The following RBM45 variants were observed in gnomAD, a reference collection of about 807,000 sequenced individuals.
RBM45 encodes the protein RNA-binding protein 45.
In RBM45, 39 loss-of-function variants were observed where a neutral mutation model predicts 58.5. The ratio of observed to expected loss-of-function variants is 0.67; its 90% CI spans 0.52 to 0.87. The LOEUF (loss-of-function observed/expected upper bound fraction) is 0.87, where lower values mean the gene tolerates loss of function less well. Ranked by LOEUF, RBM45 falls within the 40% of genes least tolerant of loss-of-function variation. The probability of loss-of-function intolerance (pLI) is 0.00; values close to 1 mark genes in which losing one functional copy is unlikely to be tolerated. For synonymous variants in RBM45, 193 were observed against 203.0 expected, an observed-to-expected ratio of 0.95 and a Z score of 0.42; for missense variants, 481 against 581.6, an observed-to-expected ratio of 0.83 and a Z score of 1.78.
At position 178,112,489 on chromosome 2, in the gene RBM45, G is replaced by A. The variant is rs2087714593; in HGVS notation, c.-58G>A. The A allele has an allele frequency of 2.0e-6, 3 of 1,483,774 alleles. No homozygotes were observed. The highest frequency in any genetic ancestry group is 1.2e-5 in the South Asian group (1 of 81,584). 91.9% of individuals were successfully genotyped at this position (1,483,774 alleles called of 1,614,324 possible). ...AAAGGCTTGGGTGTGAGACAGCAGC[G>A]GTGGCAGACACCGCAGAAGCAAAGA... On this transcript the variant is annotated 5_prime_UTR_variant, in exon 1 of 10. Transcript: ENST00000286070.
At chr2:178,130,352 C>T (rs938173295), downstream of RBM45, among the ~76,000 whole-genome samples, 5 of 152,126 alleles carry the variant, frequency 3.3e-5, no homozygotes, top group Non-Finnish European at 5.9e-5. Context: ...ATAGAGGACC[C>T]GGTCTCCACA....
chr2:178,114,519 C>T (rs1194728766), intron 1 of RBM45, among the ~76,000 whole-genome samples: 7 of 152,220 alleles, frequency 4.6e-5, no homozygotes, highest in Non-Finnish European at 1.0e-4. Context: ...TTCTTTGTCA[C>T]ATTTTTGACT....
intron 8 of RBM45, among the ~76,000 whole-genome samples, chr2:178,124,685 A>G (rs1177107644): frequency 6.6e-6 from 1 of 152,142 alleles, no homozygotes; most frequent in Non-Finnish European, 1.5e-5. Flanking sequence ...ATGGTGGTAC[A>G]TGCCTGTGGT....
intron 8 of RBM45, chr2:178,125,760 A>C (rs1353999791): frequency 3.0e-6 from 2 of 676,840 alleles, no homozygotes; most frequent in South Asian, 3.0e-5. Context: ...GGGTAAGGAA[A>C]CTAGTGAAAA....
chr2:178,134,730 G>A (rs1436362304), intron 3 of RBM45, among the ~76,000 whole-genome samples: 3 of 152,178 alleles, frequency 2.0e-5, no homozygotes, highest in South Asian at 2.1e-4. Flanking sequence ...AGTGGCTGAC[G>A]CCTGTAATCT....
chr2:178,134,982 G>A (rs2088034072), intron 3 of RBM45, among the ~76,000 whole-genome samples: 1 of 152,284 alleles, frequency 6.6e-6, no homozygotes, highest in Middle Eastern at 3.4e-3. Context: ...ACTCCAGCCT[G>A]GGCGACAGAG....
intron 3 of RBM45, 25 bp from the exon 4 acceptor site, chr2:178,120,262 C>T: frequency 6.2e-7 from 1 of 1,611,334 alleles, no homozygotes; most frequent in Non-Finnish European, 8.5e-7. Flanking sequence ...TGCTGTGAAA[C>T]TTGAAATTCA....
At chr2:178,135,853 A>G (rs2088041016) in intron 3 of RBM45, among the ~76,000 whole-genome samples, 1 of 152,214 alleles carries the variant, frequency 6.6e-6, no homozygotes, top group Non-Finnish European at 1.5e-5. Context: ...ATCCTGGAAA[A>G]CATTAAGTAG....
intron 1 of RBM45, 112 bp downstream of exon 1, chr2:178,112,958 G>C: frequency 8.5e-7 from 1 of 1,174,222 alleles, no homozygotes; most frequent in Non-Finnish European, 1.2e-6. Flanking sequence ...GTTCCCGGCA[G>C]CTGACCAGAC....
In RBM45 at chr2:178,121,209, A is replaced by T. The variant is rs1574411122; in HGVS notation, c.703A>T (p.Lys235Ter). ...EQQSEFSSFD[K>*]NDSRGQEAIS... Reference sequence around the variant, plus strand: ...ACAATCTGAATTTTCAAGTTTTGACAAGAATGATAGCCGAGGCCAGGAAGC... The same window carrying T: ...ACAATCTGAATTTTCAAGTTTTGACTAGAATGATAGCCGAGGCCAGGAAGC... Residue 235 changes from lysine to a stop codon, truncating the protein, a stop_gained, in exon 5 of 10, where the codon AAG (lysine) becomes TAG (stop). Coordinates refer to ENST00000286070, the MANE Select transcript of RBM45 (RefSeq NM_152945.4). LOFTEE classifies it high-confidence loss of function. 6.4e-7 allele frequency: 1 copy of T among 1,572,656 alleles called. No individual in the cohort carries two copies. Among genetic ancestry groups the T allele is most frequent in the South Asian group, 1.2e-5 (1 of 84,944 alleles).
chr2:178,120,260 A>G, intron 3 of RBM45, 27 bp from the exon 4 acceptor site: 1 of 1,611,554 alleles, frequency 6.2e-7, no homozygotes, highest in Non-Finnish European at 8.5e-7. Flanking sequence ...TTTGCTGTGA[A>G]ACTTGAAATT....
chr2:178,127,873 T>C (rs1021434330), intron 9 of RBM45, among the ~76,000 whole-genome samples: 2 of 152,054 alleles, frequency 1.3e-5, no homozygotes, highest in East Asian at 3.9e-4. Flanking sequence ...CTTCTCAGTA[T>C]AGAAAAGTAT....
rs905941774 is a variant in RBM45, at chr2:178,118,717, G to T, written c.550+536G>T. Among the ~76,000 whole-genome samples, 31 of 152,182 alleles carry T rather than the reference G, an allele frequency of 2.0e-4. 1 individual carries two copies. Among genetic ancestry groups the T allele is most frequent in the Non-Finnish European group, 3.4e-4 (23 of 67,980 alleles). On this transcript the variant is annotated intron_variant, in intron 3 of 9. Coordinates refer to ENST00000286070, the MANE Select transcript of RBM45 (RefSeq NM_152945.4). ...TATAAAGAATAAGAATTTTAAAGATGTCAAAGAGAATATTCTTTGTTGGTA... is the reference window on the plus strand; with the variant it reads ...TATAAAGAATAAGAATTTTAAAGATTTCAAAGAGAATATTCTTTGTTGGTA...
chr2:178,112,516 C>T lies in RBM45; in HGVS notation c.-31C>T, dbSNP rs953074827. Reference sequence around the variant, plus strand: ...TGGCAGACACCGCAGAAGCAAAGAGCAGTGAGGCTCCTGCATTCGGGTGGA... The same window carrying T: ...TGGCAGACACCGCAGAAGCAAAGAGTAGTGAGGCTCCTGCATTCGGGTGGA... On this transcript the variant is annotated 5_prime_UTR_variant, in exon 1 of 10. Coordinates refer to ENST00000286070, the MANE Select transcript of RBM45 (RefSeq NM_152945.4). The T allele has an allele frequency of 2.5e-6, 4 of 1,591,014 alleles. No homozygotes were observed. Among genetic ancestry groups the T allele is most frequent in the Non-Finnish European group, 3.4e-6 (4 of 1,165,026 alleles).
chr2:178,123,265 A>G (rs2087879412), intron 5 of RBM45, among the ~76,000 whole-genome samples: 1 of 152,222 alleles, frequency 6.6e-6, no homozygotes, highest in Middle Eastern at 3.2e-3. Context: ...AACTTATTAG[A>G]CAGGACGTAT....
chr2:178,121,060 AC>A, intron 4 of RBM45, 119 bp from the exon 5 acceptor site: 3 of 473,740 alleles, frequency 6.3e-6, no homozygotes, highest in East Asian at 6.8e-5. Flanking sequence ...CCAGAAGCGT[AC>A]TACAAAATAC....
At chr2:178,133,560 G>A (rs1174185785), downstream of RBM45, among the ~76,000 whole-genome samples, 1 of 152,054 alleles carries the variant, frequency 6.6e-6, no homozygotes, top group Admixed American at 6.6e-5. Context: ...ATGCTTTTTT[G>A]ATGTACCCAA....
chr2:178,122,336 G>T (rs1019029602), intron 5 of RBM45, among the ~76,000 whole-genome samples: 1 of 152,008 alleles, frequency 6.6e-6, no homozygotes, highest in African/African-American at 2.4e-5. Context: ...TTTTAGAGTG[G>T]CATGGCTATT....
chr2:178,118,776 G>A (rs1458785919), intron 3 of RBM45, among the ~76,000 whole-genome samples: 1 of 152,088 alleles, frequency 6.6e-6, no homozygotes, highest in Non-Finnish European at 1.5e-5. Flanking sequence ...CTTTAGAAAT[G>A]ATATGTAGAG....
Sources: allele counts gnomAD v4.1 joint callset (sites outside exome capture counted in the v4.1 genomes callset), GRCh38; gene constraint gnomAD v4.1.1; transcripts MANE v1.5; gene names NCBI Gene and HGNC (gene_info 2026-07-23, HGNC 2026-07-21).